The following TNKS variants were observed in gnomAD, a reference collection of about 807,000 sequenced individuals.
The protein encoded by TNKS is tankyrase.
A neutral mutation model predicts 135.8 loss-of-function variants in TNKS; 72 were observed. The observed-to-expected ratio is 0.53, with a 90% CI of 0.44 to 0.64. The LOEUF (loss-of-function observed/expected upper bound fraction) is 0.64, where lower values mean the gene tolerates loss of function less well. TNKS is among the 30% of genes least tolerant of loss of function. TNKS has a pLI of 0.00. For missense variants in TNKS, 1,769 were observed against 1,674.0 expected (o/e 1.06, Z -0.99); for synonymous variants, 849 against 649.3 (o/e 1.31, Z -4.68).
chr8:9,581,484 A>C (rs888279970), intron 2 of TNKS, among the ~76,000 whole-genome samples: 1 of 152,198 alleles, frequency 6.6e-6, no homozygotes, highest in Non-Finnish European at 1.5e-5. Flanking sequence ...GTCATTACAT[A>C]AAACTACCTT....
intron 3 of TNKS, chr8:9,658,566 A>C (rs2128785933): frequency 6.2e-6 from 2 of 322,410 alleles, no homozygotes; most frequent in East Asian, 5.6e-5. Context: ...GCCTGCCCTA[A>C]AAGAGCTCCT....
intron 5 of TNKS, among the ~76,000 whole-genome samples, chr8:9,686,823 C>T (rs567959689): frequency 6.6e-6 from 1 of 151,892 alleles, no homozygotes; most frequent in South Asian, 2.1e-4. Context: ...GCCATGTGTT[C>T]ATGGCAAATT....
At chr8:9,606,458 T>G (rs1799224858) in intron 2 of TNKS, among the ~76,000 whole-genome samples, 1 of 152,124 alleles carries the variant, frequency 6.6e-6, no homozygotes, top group Non-Finnish European at 1.5e-5. Context: ...TGCACTGTCT[T>G]GATTACTAGA....
rs116084219 is a variant in TNKS at position 9,714,360 on chromosome 8, G to A, written c.1749+4140G>A. ...TTTTTTTTTAATCAAATGAGCATAT[G>A]TATATAAATATGTAGTATAGTGCTT... On this transcript the variant is annotated intron_variant, in intron 11 of 26. Coordinates refer to ENST00000310430, the MANE Select transcript of TNKS (RefSeq NM_003747.3). 9.9e-3 allele frequency among the ~76,000 whole-genome samples: 1,489 copies of A among 151,060 alleles called. 22 individuals carry two copies. The highest frequency in any genetic ancestry group is 0.034 in the African/African-American group (1,399 of 41,136).
Position 9,740,668 on chromosome 8 carries a change from A to G in TNKS, c.2643+5182A>G, listed in dbSNP as rs1324506095. On this transcript the variant is annotated intron_variant, in intron 17 of 26. Transcript: ENST00000310430. ...CTACAGTATTTAAAGTTACCTTTCT[A>G]AAGATGAGTAGTCTTTTATTAAAAT... Among the ~76,000 whole-genome samples the G allele has an allele frequency of 2.3e-4, 35 of 152,180 alleles. 1 individual carries two copies. The highest frequency in any genetic ancestry group is 2.3e-3 in the Admixed American group (35 of 15,284).
At chr8:9,667,694 T>C (rs559133104) in intron 3 of TNKS, among the ~76,000 whole-genome samples, 2 of 152,238 alleles carry the variant, frequency 1.3e-5, no homozygotes, top group Non-Finnish European at 2.9e-5. Context: ...GAAGCACCAA[T>C]TGTGATTTAC....
At position 9,735,448 on chromosome 8, in the gene TNKS, G is replaced by A; in HGVS notation, c.2605G>A (p.Gly869Ser). The change falls in exon 17 of 27, where the codon GGT becomes AGT. Residue 869 changes from glycine to serine, a missense_variant. Physicochemically the swap from Gly to Ser is moderately conservative, Grantham distance 56 (BLOSUM62 0). Around this residue, in one of 5 missense-constraint regions of TNKS, gnomAD observed 722 missense variants for 688.9 expected, o/e 1.05. Transcript: ENST00000310430. ...HGADVNAQDK[G>S]GLIPLHNAAS... ...AGCTGATGTTAATGCCCAGGACAAG[G>A]GTGGTTTAATTCCTCTTCATAATGC... 6.2e-7 allele frequency: 1 copy of A among 1,614,036 alleles called. No individual in the cohort carries two copies. Among genetic ancestry groups the A allele is most frequent in the East Asian group, 2.2e-5 (1 of 44,868 alleles).
At chr8:9,630,706 A>G (rs1010112204) in intron 3 of TNKS, among the ~76,000 whole-genome samples, 3 of 152,338 alleles carry the variant, frequency 2.0e-5, no homozygotes, top group African/African-American at 4.8e-5. Flanking sequence ...AAGAAAAATT[A>G]CAGAGAATCA....
Position 9,778,056 on chromosome 8 carries a change from A to G in TNKS, c.*1320A>G, listed in dbSNP as rs763797124. ...CAAAGCCCTTTCTGTTATTTTTTCA[A>G]TGAAGGTGAGAAAGAAATACCATAC... is the stretch of plus-strand genomic sequence containing the variant. On this transcript the variant is annotated 3_prime_UTR_variant, in exon 27 of 27. Coordinates refer to ENST00000310430, the MANE Select transcript of TNKS (RefSeq NM_003747.3). 3 of 152,622 alleles carry G rather than the reference A, an allele frequency of 2.0e-5. No homozygotes were observed. Among genetic ancestry groups the G allele is most frequent in the African/African-American group, 7.2e-5 (3 of 41,454 alleles). The allele number at this position is 152,622 out of a possible 1,614,324, so 9.5% of individuals were successfully genotyped here.
At chr8:9,740,314 C>G (rs77932996) in intron 17 of TNKS, among the ~76,000 whole-genome samples, 1 of 152,118 alleles carries the variant, frequency 6.6e-6, no homozygotes, top group African/African-American at 2.4e-5. Flanking sequence ...ACCAGGTGTT[C>G]TCACAGTTGG....
chr8:9,746,224 G>A (rs986033796), intron 17 of TNKS, among the ~76,000 whole-genome samples: 2 of 152,202 alleles, frequency 1.3e-5, no homozygotes, highest in Non-Finnish European at 2.9e-5. Context: ...ATGGATCTCA[G>A]AAATACTTAA....
At chr8:9,685,439 T>C (rs531153453) in intron 5 of TNKS, among the ~76,000 whole-genome samples, 2 of 152,272 alleles carry the variant, frequency 1.3e-5, no homozygotes, top group South Asian at 2.1e-4. Flanking sequence ...TAGCACACAG[T>C]AACCTTTAGA....
rs747381711 is a variant in TNKS, at chr8:9,733,423, A to C, written c.2292A>C (p.Glu764Asp). The stretch of plus-strand genomic sequence containing the variant: ...AAGCAGCAGCTAAAGGAAAGTATGA[A>C]ATCTGCAAGCTCCTTTTAAAAGTAT... ...LHEAAAKGKY[E>D]ICKLLLKHGA... is the part of the protein sequence containing the mutation. Residue 764 changes from glutamate to aspartate, a missense_variant, in exon 15 of 27, where the codon GAA becomes GAC. Glu to Asp is a conservative substitution (Grantham distance 45, BLOSUM62 2). Transcript: ENST00000310430. 1.9e-6 allele frequency: 3 copies of C among 1,613,376 alleles called. No individual in the cohort carries two copies. The African/African-American group carries it at 4.0e-5, about 22-fold the overall frequency.
chr8:9,609,248 A>G (rs1011026609), intron 2 of TNKS, among the ~76,000 whole-genome samples: 4 of 152,098 alleles, frequency 2.6e-5, no homozygotes, highest in Non-Finnish European at 2.9e-5. Context: ...TAGATTATTT[A>G]TGTGCCTCAT....
intron 3 of TNKS, among the ~76,000 whole-genome samples, chr8:9,665,067 C>A (rs1385622514): frequency 6.6e-6 from 1 of 152,186 alleles, no homozygotes; most frequent in Non-Finnish European, 1.5e-5. Flanking sequence ...CTAATCAAGA[C>A]CTTTCCTATA....
At chr8:9,567,660 G>A (rs1797599455) in intron 1 of TNKS, among the ~76,000 whole-genome samples, 3 of 152,264 alleles carry the variant, frequency 2.0e-5, no homozygotes, top group South Asian at 2.1e-4. Context: ...CTTGTGATCT[G>A]CCCGCCTTGG....
chr8:9,738,805 G>A (rs1239449199), intron 17 of TNKS, among the ~76,000 whole-genome samples: 1 of 113,220 alleles, frequency 8.8e-6, no homozygotes, highest in Non-Finnish European at 1.8e-5. Context: ...TTGCTGAGGA[G>A]AGCTTTACTT....
chr8:9,768,836 C>T (rs1807621966), intron 25 of TNKS, among the ~76,000 whole-genome samples: 1 of 152,196 alleles, frequency 6.6e-6, no homozygotes, highest in Non-Finnish European at 1.5e-5. Flanking sequence ...ACCAAGCCAG[C>T]ATCCCAGAGG....
Position 9,708,351 on chromosome 8 carries a change from A to G in TNKS, c.1457-20A>G, listed in dbSNP as rs756324053. On this transcript the variant is annotated intron_variant, in intron 8 of 26. Transcript: ENST00000310430. ...ACATTTTTACATCTTTTTTTATGTC[A>G]ACCATTGTTTCATTGACAGATGAAT... 6.5e-7 allele frequency: 1 copy of G among 1,535,070 alleles called. No individual in the cohort carries two copies. The highest frequency in any genetic ancestry group is 2.3e-5 in the East Asian group (1 of 42,950).
Sources: allele counts gnomAD v4.1 joint callset (sites outside exome capture counted in the v4.1 genomes callset), GRCh38; gene constraint gnomAD v4.1.1; regional missense constraint gnomAD v4.1.1; transcripts MANE v1.5; gene names NCBI Gene and HGNC (gene_info 2026-07-23, HGNC 2026-07-21).